The following DIP2C variants were observed in gnomAD, a reference collection of about 807,000 sequenced individuals.
DIP2C encodes DIP2 acetate--CoA ligase C (putative).
Under a neutral mutation model 192.4 loss-of-function variants are expected in DIP2C, and 33 were observed. That is an observed-to-expected ratio of 0.17 (90% CI 0.13 to 0.23). The LOEUF is 0.23. Among genes scored for constraint, DIP2C ranks in the 10% least tolerant of loss-of-function variants. DIP2C has a pLI of 1.00. For synonymous variants in DIP2C, 979 were observed against 864.1 expected (o/e 1.13, Z -2.33); for missense variants, 1,537 against 2,110.1 (o/e 0.73, Z 5.32).
At chr10:683,115 G>A (rs1420953583) in intron 1 of DIP2C, among the ~76,000 whole-genome samples, 4 of 152,204 alleles carry the variant, frequency 2.6e-5, no homozygotes, top group Admixed American at 6.5e-5. Context: ...AACCCCCAGC[G>A]AAGGGAAAAT....
intron 1 of DIP2C, among the ~76,000 whole-genome samples, chr10:544,866 C>A (rs949506657): frequency 6.6e-6 from 1 of 152,108 alleles, no homozygotes; most frequent in Non-Finnish European, 1.5e-5. Context: ...TGGGTTGTGT[C>A]TTTTTACTTT....
chr10:511,129 C>A (rs947453984), intron 1 of DIP2C, among the ~76,000 whole-genome samples: 1 of 152,224 alleles, frequency 6.6e-6, no homozygotes. Context: ...GAACAAAAGC[C>A]TTGGCCTGCC....
At chr10:350,367 G>A (rs967214313) in intron 24 of DIP2C, among the ~76,000 whole-genome samples, 2 of 152,240 alleles carry the variant, frequency 1.3e-5, no homozygotes, top group African/African-American at 2.4e-5. Context: ...AGACAAATGT[G>A]AATAAATTAC....
chr10:378,464 C>T (rs1001772165), intron 17 of DIP2C, among the ~76,000 whole-genome samples: 1 of 152,114 alleles, frequency 6.6e-6, no homozygotes, highest in Non-Finnish European at 1.5e-5. Context: ...CACAAACATG[C>T]CTAGACAAAG....
chr10:502,002 T>C (rs1214906176), intron 1 of DIP2C, among the ~76,000 whole-genome samples: 1 of 151,898 alleles, frequency 6.6e-6, no homozygotes, highest in East Asian at 1.9e-4. Flanking sequence ...ATTAATTAAT[T>C]GGGTATGACA....
At chr10:529,707 C>T (rs1847259276) in intron 1 of DIP2C, among the ~76,000 whole-genome samples, 1 of 152,204 alleles carries the variant, frequency 6.6e-6, no homozygotes, top group African/African-American at 2.4e-5. Context: ...CACTTAGCCA[C>T]TGAAATTACA....
At chr10:488,578 G>A (rs747184624) in intron 1 of DIP2C, among the ~76,000 whole-genome samples, 8 of 152,140 alleles carry the variant, frequency 5.3e-5, no homozygotes, top group Non-Finnish European at 1.5e-5. Context: ...CTGGCTTCCT[G>A]GGCTTTCCTC....
chr10:637,167 A>G (rs1216024699), intron 1 of DIP2C, among the ~76,000 whole-genome samples: 1 of 152,266 alleles, frequency 6.6e-6, no homozygotes, highest in Admixed American at 6.5e-5. Flanking sequence ...AATCTGACAG[A>G]AAATTCACAA....
At chr10:513,624 C>CTGTAAG (rs1554887557) in intron 1 of DIP2C, among the ~76,000 whole-genome samples, 15 of 152,100 alleles carry the variant, frequency 9.9e-5, no homozygotes, top group Non-Finnish European at 1.9e-4. Context: ...CACACCTTAC[C>CTGTAAG]TGAAAGTCAC....
rs142423194 is a variant in DIP2C at position 344,858 on chromosome 10, G to A, written c.3404C>T (p.Ala1135Val). Residue 1135 changes from alanine (A) to valine (V), a missense_variant, in exon 28 of 37, where the codon GCA becomes GTA. Physicochemically the swap from Ala to Val is moderately conservative, Grantham distance 64 (BLOSUM62 0). Coordinates refer to ENST00000280886, the MANE Select transcript of DIP2C (RefSeq NM_014974.3). ...ICKPCNPDTL[A>V]YLDFSVSTTG... ...TGTGGACACGCTGAAGTCGAGATAT[G>A]CAAGAGTGTCTGGGTTGCAAGGTTT... 1.9e-6 allele frequency: 3 copies of A among 1,606,586 alleles called. No homozygotes were observed. The highest frequency in any genetic ancestry group is 2.2e-5 in the South Asian group (2 of 89,340).
At chr10:374,825 T>G (rs1232604275) in intron 17 of DIP2C, among the ~76,000 whole-genome samples, 1 of 151,620 alleles carries the variant, frequency 6.6e-6, no homozygotes. Context: ...TTCGAGGGGG[T>G]TTAAAAAACA....
At chr10:595,594 G>C (rs1268863484) in intron 1 of DIP2C, among the ~76,000 whole-genome samples, 1 of 152,002 alleles carries the variant, frequency 6.6e-6, no homozygotes, top group Non-Finnish European at 1.5e-5. Context: ...TTTAGAACAA[G>C]GCAGGACACA....
chr10:640,633 G>C (rs990577505), intron 1 of DIP2C, among the ~76,000 whole-genome samples: 4 of 150,722 alleles, frequency 2.7e-5, no homozygotes, highest in African/African-American at 9.8e-5. Context: ...AGCTGCGCGC[G>C]GGGATGAGGG....
Position 651,442 on chromosome 10 carries a change from T to C in DIP2C, c.85+38052A>G. 1.5e-6 allele frequency: 1 copy of C among 681,326 alleles called. No individual in the cohort carries two copies. 42.2% of individuals were successfully genotyped at this position (681,326 alleles called of 1,614,324 possible). A position where few individuals can be genotyped will look rare whatever the true frequency, so the allele number is the denominator to read the frequency against. Reference sequence around the variant, plus strand: ...TGAACAAGTATGTTAAGTCGTTAAGTAAAAATAGCAGAAGACTTAGTAGAA... The same window carrying C: ...TGAACAAGTATGTTAAGTCGTTAAGCAAAAATAGCAGAAGACTTAGTAGAA... On this transcript the variant is annotated intron_variant, in intron 1 of 36. Coordinates refer to ENST00000280886, the MANE Select transcript of DIP2C (RefSeq NM_014974.3). The surrounding 1 kb of genome is among the most constrained non-coding windows in gnomAD (Gnocchi z 4.1).
chr10:455,051 C>T (rs942041983), intron 3 of DIP2C, among the ~76,000 whole-genome samples: 19 of 152,220 alleles, frequency 1.2e-4, no homozygotes, highest in African/African-American at 3.4e-4. Context: ...GGGCTGCTGT[C>T]CAATGGCAAA....
intron 1 of DIP2C, among the ~76,000 whole-genome samples, chr10:531,644 C>A (rs1847377518): frequency 6.6e-6 from 1 of 152,162 alleles, no homozygotes; most frequent in Non-Finnish European, 1.5e-5. Context: ...CAAACCCACA[C>A]CATAGGGCCC....
intron 1 of DIP2C, among the ~76,000 whole-genome samples, chr10:550,886 A>G (rs1848550305): frequency 6.6e-6 from 1 of 152,206 alleles, no homozygotes; most frequent in South Asian, 2.1e-4. Flanking sequence ...ACAGCCAGTC[A>G]GGCCTGCACA....
At chr10:362,786 T>G in intron 21 of DIP2C, 95 bp from the exon 22 acceptor site, 1 of 1,342,968 alleles carries the variant, frequency 7.4e-7, no homozygotes, top group Non-Finnish European at 1.0e-6. Flanking sequence ...TACACAGAAG[T>G]CTGTGCAGTA....
At chr10:384,683 C>G (rs534892767) in intron 14 of DIP2C, 44 bp from the exon 15 acceptor site, 2 of 1,592,728 alleles carry the variant, frequency 1.3e-6, no homozygotes, top group Non-Finnish European at 1.7e-6. Context: ...TGGAGGGGCA[C>G]GCAGAGGAGC....
Sources: gnomAD v4.1 joint callset for allele counts (sites outside exome capture counted in the v4.1 genomes callset) on GRCh38, gnomAD v4.1.1 for gene constraint, Gnocchi (gnomAD v3.1) non-coding constraint, MANE v1.5 for transcripts, NCBI Gene and HGNC (gene_info 2026-07-23, HGNC 2026-07-21) for gene names.